Variants in MTMR7 observed in about 807,000 individuals in gnomAD.
MTMR7 encodes the protein myotubularin related protein 7.
A neutral mutation model predicts 81.2 loss-of-function variants in MTMR7; 76 were observed. The observed-to-expected ratio is 0.94, with a 90% confidence interval of 0.78 to 1.13. The LOEUF is 1.13. Among genes scored for constraint, MTMR7 ranks in the 50% most tolerant of loss-of-function variants. The pLI is 0.00. For synonymous variants in MTMR7, 372 were observed against 289.8 expected, an observed-to-expected ratio of 1.28 and a Z score of -2.88; for missense variants, 1,044 against 820.0, an observed-to-expected ratio of 1.27 and a Z score of -3.34.
chr8:17,321,240 C>G (rs1276611502), intron 7 of MTMR7, among the ~76,000 whole-genome samples: 4 of 152,144 alleles, frequency 2.6e-5, no homozygotes, highest in Admixed American at 6.5e-5. Context: ...TGGCCTGTGC[C>G]AAAAGCAAGA....
intron 3 of MTMR7, among the ~76,000 whole-genome samples, chr8:17,363,785 C>T (rs1000027250): frequency 1.3e-5 from 2 of 151,976 alleles, no homozygotes; most frequent in African/African-American, 4.8e-5. Flanking sequence ...TCGAAAAGCG[C>T]CACTAGCACA....
At chr8:17,316,814 G>C (rs762730448) in intron 7 of MTMR7, among the ~76,000 whole-genome samples, 11 of 152,046 alleles carry the variant, frequency 7.2e-5, no homozygotes, top group Admixed American at 1.3e-4. Flanking sequence ...AATACACCAT[G>C]TTATTATGTA....
chr8:17,402,783 T>C (rs1276725871), intron 1 of MTMR7, among the ~76,000 whole-genome samples: 2 of 152,204 alleles, frequency 1.3e-5, no homozygotes, highest in Non-Finnish European at 2.9e-5. Flanking sequence ...TGCTGGATTG[T>C]ATTTTAGCTC....
At chr8:17,332,157 C>T (rs1819033828) in intron 6 of MTMR7, among the ~76,000 whole-genome samples, 1 of 152,206 alleles carries the variant, frequency 6.6e-6, no homozygotes, top group South Asian at 2.1e-4. Flanking sequence ...CCATTCTCCT[C>T]CTCCACCCAC....
At chr8:17,393,110 G>C (rs775004121) in intron 1 of MTMR7, among the ~76,000 whole-genome samples, 4 of 152,162 alleles carry the variant, frequency 2.6e-5, no homozygotes, top group Non-Finnish European at 2.9e-5. Flanking sequence ...TGAGAGTCCA[G>C]AAATAAATCC....
chr8:17,410,851 C>T (rs1821718008), intron 1 of MTMR7, among the ~76,000 whole-genome samples: 1 of 152,128 alleles, frequency 6.6e-6, no homozygotes, highest in African/African-American at 2.4e-5. Context: ...TACATGCATA[C>T]AATTCTTTTC....
At chr8:17,306,183 A>G (rs892533238) in intron 10 of MTMR7, among the ~76,000 whole-genome samples, 1 of 152,200 alleles carries the variant, frequency 6.6e-6, no homozygotes, top group Non-Finnish European at 1.5e-5. Flanking sequence ...TTATAGTTAC[A>G]AAAGAAAGTG....
intron 12 of MTMR7, among the ~76,000 whole-genome samples, chr8:17,303,150 T>C (rs902690711): frequency 6.6e-6 from 1 of 152,208 alleles, no homozygotes; most frequent in Non-Finnish European, 1.5e-5. Context: ...CTTGGTGTCA[T>C]TGTTTTATCT....
chr8:17,319,938 G>A (rs1189111133), intron 7 of MTMR7, among the ~76,000 whole-genome samples: 5 of 152,178 alleles, frequency 3.3e-5, no homozygotes, highest in East Asian at 1.9e-4. Flanking sequence ...ATGTGGCTAC[G>A]AAACACTTGA....
intron 5 of MTMR7, among the ~76,000 whole-genome samples, chr8:17,346,735 C>A (rs1819562505): frequency 6.6e-6 from 1 of 150,536 alleles, no homozygotes; most frequent in Non-Finnish European, 1.5e-5. Context: ...TCTGAAACAA[C>A]AATAAAAGAT....
chr8:17,304,517 A>G lies in MTMR7; in HGVS notation c.1355T>C (p.Ile452Thr). The G allele has an allele frequency of 2.5e-6, 4 of 1,613,024 alleles. No homozygotes were observed. Among genetic ancestry groups the G allele is most frequent in the Non-Finnish European group, 2.5e-6 (3 of 1,179,200 alleles). Residue 452 changes from isoleucine to threonine, a missense_variant and splice_region_variant, in exon 12 of 14, where the codon ATT (isoleucine) becomes ACT (threonine). By Grantham distance (89) the Ile-to-Thr change is moderately conservative. Transcript: ENST00000180173. ...CCATAATGAGTATGTTCTTTCTTGA[A>G]TCCTGTTATAAAGAAAATAAGTCTA... The part of the protein sequence containing the change: ...NSQKERRELK[I>T]QERTYSLWAH...
chr8:17,389,446 T>C (rs1335965312), intron 1 of MTMR7, among the ~76,000 whole-genome samples: 2 of 152,242 alleles, frequency 1.3e-5, no homozygotes, highest in Admixed American at 6.5e-5. Flanking sequence ...CTTGGCTTAC[T>C]GGCTTCCTGA....
At chr8:17,410,613 C>A (rs1821711958) in intron 1 of MTMR7, among the ~76,000 whole-genome samples, 1 of 152,162 alleles carries the variant, frequency 6.6e-6, no homozygotes, top group Non-Finnish European at 1.5e-5. Context: ...AGGAACCATT[C>A]TGGAAGGGAA....
At chr8:17,307,780 G>A (rs1156244938) in intron 10 of MTMR7, among the ~76,000 whole-genome samples, 6 of 151,468 alleles carry the variant, frequency 4.0e-5, no homozygotes, top group South Asian at 2.1e-4. Flanking sequence ...GCAAACTATC[G>A]CAAGGACAAA....
intron 7 of MTMR7, among the ~76,000 whole-genome samples, chr8:17,320,484 G>A (rs771511192): frequency 2.0e-5 from 3 of 152,116 alleles, no homozygotes; most frequent in Non-Finnish European, 2.9e-5. Context: ...GGCCCCAGGA[G>A]CATTCTGAGA....
In MTMR7 at chr8:17,365,966, T is replaced by A. The variant is rs960517134; in HGVS notation, c.311-4692A>T. Among the ~76,000 whole-genome samples the A allele has an allele frequency of 4.6e-5, 7 of 152,298 alleles. No homozygotes were observed. In the East Asian group the frequency reaches 1.2e-3, roughly 25 times the overall value. ...ACAGAGATCCATGTTTTGGCTGATC[T>A]TATTCTAGCACCGGTGTTCATTGTG... On this transcript the variant is annotated intron_variant, in intron 3 of 13. Transcript: ENST00000180173.
intron 7 of MTMR7, among the ~76,000 whole-genome samples, chr8:17,314,126 TTTTA>T (rs1161794393): frequency 5.9e-5 from 9 of 152,202 alleles, no homozygotes; most frequent in African/African-American, 1.9e-4. Flanking sequence ...CAGGAGCTTC[TTTTA>T]TTTAACGTAA....
chr8:17,341,845 C>T (rs899995902), intron 5 of MTMR7, among the ~76,000 whole-genome samples: 5 of 152,116 alleles, frequency 3.3e-5, no homozygotes, highest in African/African-American at 1.2e-4. Flanking sequence ...AAATAAATAA[C>T]CGTTCTCAAA....
In MTMR7 at chr8:17,313,335, C is replaced by T. The variant is rs1315212854; in HGVS notation, c.932G>A (p.Arg311Lys). Residue 311 changes from arginine to lysine, a missense_variant, in exon 8 of 14, where the codon AGG becomes AAG. Physicochemically the swap from Arg to Lys is conservative, Grantham distance 26 (BLOSUM62 2). Transcript: ENST00000180173. Reference sequence around the variant, plus strand: ...TGCATCCATTATGGCTTTAATGTGCCTTAACCAGCCAGAGTTCTCCAGACC... The same window carrying T: ...TGCATCCATTATGGCTTTAATGTGCTTTAACCAGCCAGAGTTCTCCAGACC... Reference protein sequence around the residue: ...LWGLENSGWLRHIKAIMDAGI... With the variant: ...LWGLENSGWLKHIKAIMDAGI... The T allele has an allele frequency of 2.5e-6, 4 of 1,613,338 alleles. No homozygotes were observed. Among genetic ancestry groups the T allele is most frequent in the Admixed American group, 3.3e-5 (2 of 60,012 alleles).
Sources: gnomAD v4.1 joint callset for allele counts (sites outside exome capture counted in the v4.1 genomes callset) on GRCh38, gnomAD v4.1.1 for gene constraint, MANE v1.5 for transcripts, NCBI Gene and HGNC (gene_info 2026-07-23, HGNC 2026-07-21) for gene names.